EYA4: variants seen among roughly 807,000 people sequenced by gnomAD.
EYA4 encodes EYA transcriptional coactivator and phosphatase 4.
EYA4 carries 31 observed loss-of-function variants against 87.9 expected under a neutral mutation model. That is an observed-to-expected ratio of 0.35 (90% CI 0.27 to 0.48). The LOEUF (loss-of-function observed/expected upper bound fraction) is 0.48, where lower values mean the gene tolerates loss of function less well. Among genes scored for constraint, EYA4 ranks in the 20% least tolerant of loss-of-function variants. EYA4 has a pLI of 0.99. For synonymous variants in EYA4, 263 were observed against 270.6 expected (o/e 0.97, Z 0.28); for missense variants, 678 against 761.4 (o/e 0.89, Z 1.29).
At chr6:133,413,248 T>TA (rs1789399706) in intron 3 of EYA4, among the ~76,000 whole-genome samples, 1 of 152,184 alleles carries the variant, frequency 6.6e-6, no homozygotes, top group African/African-American at 2.4e-5. Flanking sequence ...CTCCTTAAAC[T>TA]TACTATGTTT....
chr6:133,409,650 T>C (rs1365328593), intron 3 of EYA4, among the ~76,000 whole-genome samples: 1 of 151,932 alleles, frequency 6.6e-6, no homozygotes, highest in Non-Finnish European at 1.5e-5. Flanking sequence ...GTCAAATACA[T>C]AGAAACAGAG....
intron 11 of EYA4, among the ~76,000 whole-genome samples, chr6:133,479,042 C>A (rs1461797956): frequency 3.9e-5 from 6 of 152,012 alleles, no homozygotes; most frequent in Non-Finnish European, 8.8e-5. Context: ...TTTTATGGAA[C>A]GTCATCCAAA....
rs748281937 is a variant in EYA4, at chr6:133,464,863, A to G, written c.804+5A>G. On this transcript the variant is annotated splice_donor_5th_base_variant and intron_variant, in intron 10 of 19. Transcript: ENST00000355286. ...AATTTCAGTGGTTCACAACAGGTAT[A>G]GTAGCTTTTTGTGTTTATGCTTTTT... 1 of 1,595,336 alleles carries G rather than the reference A, an allele frequency of 6.3e-7. No individual in the cohort carries two copies. The highest frequency in any genetic ancestry group is 8.6e-7 in the Non-Finnish European group (1 of 1,164,038).
At chr6:133,347,074 G>A (rs1029742146) in intron 2 of EYA4, among the ~76,000 whole-genome samples, 3 of 152,186 alleles carry the variant, frequency 2.0e-5, no homozygotes, top group African/African-American at 4.8e-5. Context: ...TGGCAATTCT[G>A]TCATGGGGAG....
intron 3 of EYA4, among the ~76,000 whole-genome samples, chr6:133,436,939 C>A (rs1302641544): frequency 6.6e-6 from 1 of 152,102 alleles, no homozygotes; most frequent in African/African-American, 2.4e-5. Context: ...TAAGGCTTCC[C>A]CTTTCTTGGG....
At chr6:133,498,468 T>A (rs1302422564) in intron 13 of EYA4, among the ~76,000 whole-genome samples, 1 of 152,226 alleles carries the variant, frequency 6.6e-6, no homozygotes, top group African/African-American at 2.4e-5. Flanking sequence ...CCTATTTATT[T>A]AGTTTCAAGG....
At chr6:133,345,078 C>A (rs1469767271) in intron 2 of EYA4, among the ~76,000 whole-genome samples, 1 of 152,088 alleles carries the variant, frequency 6.6e-6, no homozygotes, top group Non-Finnish European at 1.5e-5. Context: ...AAATTGTTAA[C>A]TTTCAACATG....
rs78546278 is a variant in EYA4, at chr6:133,499,231, T to C, written c.1192-6875T>C. 3.3e-5 allele frequency among the ~76,000 whole-genome samples: 5 copies of C among 152,266 alleles called. No homozygotes were observed. In the East Asian group the frequency reaches 9.7e-4, roughly 29 times the overall value. On this transcript the variant is annotated intron_variant, in intron 13 of 19. Coordinates refer to ENST00000355286, the MANE Select transcript of EYA4 (RefSeq NM_004100.5). ...CATCATCAACCCTCTCCTAGGCATT[T>C]CCTCCTATAGCCATCTCCTAACATG...
intron 2 of EYA4, among the ~76,000 whole-genome samples, chr6:133,304,006 A>G (rs1431367626): frequency 6.6e-6 from 1 of 152,200 alleles, no homozygotes; most frequent in East Asian, 1.9e-4. Context: ...AGTCTAATGC[A>G]GTGCTTCACA....
In EYA4 at chr6:133,241,372, T is replaced by C. The variant is rs1200855195; in HGVS notation, c.-443T>C. 1 of 152,112 alleles carries C rather than the reference T, an allele frequency of 6.6e-6. No individual in the cohort carries two copies. The allele number at this position is 152,112 out of a possible 1,614,324, so 9.4% of individuals were successfully genotyped here. A position where few individuals can be genotyped will look rare whatever the true frequency, so the allele number is the denominator to read the frequency against. ...CGGCTTCCGCGCAAAACTTCCATCCTGTCCACGTGAAGTTGTCGCTGCCTT... is the reference window on the plus strand; with the variant it reads ...CGGCTTCCGCGCAAAACTTCCATCCCGTCCACGTGAAGTTGTCGCTGCCTT... On this transcript the variant is annotated 5_prime_UTR_variant, in exon 1 of 20. Coordinates refer to ENST00000355286, the MANE Select transcript of EYA4 (RefSeq NM_004100.5).
At chr6:133,425,783 A>G (rs2128572002) in intron 3 of EYA4, among the ~76,000 whole-genome samples, 1 of 150,614 alleles carries the variant, frequency 6.6e-6, no homozygotes, top group South Asian at 2.1e-4. Context: ...CAGCCTCCAC[A>G]TGGTCATCAC....
At chr6:133,490,516 T>C (rs1232399720) in intron 13 of EYA4, among the ~76,000 whole-genome samples, 2 of 149,984 alleles carry the variant, frequency 1.3e-5, no homozygotes, top group Non-Finnish European at 3.0e-5. Context: ...AAATGAAAAC[T>C]AAAAAAGAGC....
At chr6:133,473,289 A>G (rs1416113064) in intron 11 of EYA4, among the ~76,000 whole-genome samples, 2 of 152,026 alleles carry the variant, frequency 1.3e-5, no homozygotes, top group Non-Finnish European at 2.9e-5. Flanking sequence ...TTGAGTATAT[A>G]TTAGGCATCA....
chr6:133,246,158 A>G (rs1774392983), intron 1 of EYA4, among the ~76,000 whole-genome samples: 2 of 152,150 alleles, frequency 1.3e-5, no homozygotes, highest in African/African-American at 4.8e-5. Flanking sequence ...TGTCATTGAA[A>G]GGTGCTAATT....
intron 11 of EYA4, among the ~76,000 whole-genome samples, chr6:133,479,498 C>G (rs1182987171): frequency 1.3e-5 from 2 of 152,078 alleles, no homozygotes; most frequent in Non-Finnish European, 2.9e-5. Context: ...TACTATTTCT[C>G]AGAAAAAGTG....
chr6:133,248,644 T>A (rs532547409), intron 1 of EYA4: 48 of 152,366 alleles, frequency 3.2e-4, no homozygotes, highest in African/African-American at 1.1e-3. Flanking sequence ...AATCAGCAGA[T>A]CTCTACATTA....
chr6:133,406,296 A>T (rs749923274), intron 3 of EYA4, among the ~76,000 whole-genome samples: 1 of 152,198 alleles, frequency 6.6e-6, no homozygotes, highest in Non-Finnish European at 1.5e-5. Context: ...ATGAGCTCTC[A>T]TAAGGAAATG....
At chr6:133,470,901 T>G (rs1485805909) in intron 11 of EYA4, among the ~76,000 whole-genome samples, 2 of 92,382 alleles carry the variant, frequency 2.2e-5, no homozygotes, top group East Asian at 3.8e-4. Flanking sequence ...CTGTCTGTTG[T>G]TGGTGTATAA....
intron 2 of EYA4, among the ~76,000 whole-genome samples, chr6:133,330,932 TA>T (rs1444071052): frequency 1.3e-5 from 2 of 151,836 alleles, no homozygotes; most frequent in Non-Finnish European, 1.5e-5. Flanking sequence ...AATTTTTTTT[TA>T]AAAGTACATT....
Sources: gnomAD v4.1 joint callset for allele counts (sites outside exome capture counted in the v4.1 genomes callset) on GRCh38, gnomAD v4.1.1 for gene constraint, MANE v1.5 for transcripts, NCBI Gene and HGNC (gene_info 2026-07-23, HGNC 2026-07-21) for gene names.